The following RIMS1 variants were observed in gnomAD, a reference collection of about 807,000 sequenced individuals.
The protein encoded by RIMS1 is regulating synaptic membrane exocytosis protein 1.
A neutral mutation model predicts 214.1 loss-of-function variants in RIMS1; 83 were observed. That is an observed-to-expected ratio of 0.39 (90% CI 0.32 to 0.47). The LOEUF is 0.47. RIMS1 is among the 20% of genes least tolerant of loss of function. The pLI is 0.99. For synonymous variants in RIMS1, 793 were observed against 786.8 expected, an observed-to-expected ratio of 1.01 and a Z score of -0.13; for missense variants, 2,050 against 2,161.8, an observed-to-expected ratio of 0.95 and a Z score of 1.03.
At chr6:72,367,563 T>C (rs2098078671) in intron 29 of RIMS1, among the ~76,000 whole-genome samples, 1 of 152,178 alleles carries the variant, frequency 6.6e-6, no homozygotes, top group Non-Finnish European at 1.5e-5. Flanking sequence ...TGGGTAGAAG[T>C]ATAACCTCAT....
intron 31 of RIMS1, among the ~76,000 whole-genome samples, chr6:72,396,720 A>G (rs559866864): frequency 6.6e-6 from 1 of 152,344 alleles, no homozygotes; most frequent in Admixed American, 6.5e-5. Flanking sequence ...TACCACTTAT[A>G]CAAATGCTTA....
intron 2 of RIMS1, among the ~76,000 whole-genome samples, chr6:71,980,365 TC>T (rs1376618588): frequency 2.0e-5 from 3 of 152,178 alleles, no homozygotes; most frequent in Non-Finnish European, 4.4e-5. Context: ...ATGAATGCAC[TC>T]ATGTATTATA....
chr6:72,179,453 A>C, intron 4 of RIMS1, 122 bp from the exon 5 acceptor site: 1 of 896,330 alleles, frequency 1.1e-6, no homozygotes. Context: ...TTTCACAAGA[A>C]ATTTGCAAGG....
At chr6:72,374,419 A>G (rs2098316164) in intron 29 of RIMS1, among the ~76,000 whole-genome samples, 1 of 152,222 alleles carries the variant, frequency 6.6e-6, no homozygotes, top group South Asian at 2.1e-4. Context: ...TTAAGTTTTT[A>G]TGCATAAGTT....
intron 1 of RIMS1, among the ~76,000 whole-genome samples, chr6:71,956,160 C>T (rs927826246): frequency 2.0e-5 from 3 of 152,008 alleles, no homozygotes; most frequent in Non-Finnish European, 2.9e-5. Context: ...TTCCACTCTA[C>T]TGTTACTATG....
chr6:72,032,687 G>A (rs575472), intron 2 of RIMS1, among the ~76,000 whole-genome samples: 117,843 of 152,118 alleles, frequency 0.77, 46,285 homozygotes, highest in African/African-American at 0.91. Flanking sequence ...GCAGACCACG[G>A]AAGAGTGGTA....
At chr6:71,992,060 G>A (rs532673379) in intron 2 of RIMS1, among the ~76,000 whole-genome samples, 6 of 151,590 alleles carry the variant, frequency 4.0e-5, no homozygotes, top group East Asian at 3.9e-4. Flanking sequence ...GTGAAACTCC[G>A]TCTCAAAAAA....
chr6:71,889,029 C>T (rs961503378), intron 1 of RIMS1, among the ~76,000 whole-genome samples: 1 of 152,174 alleles, frequency 6.6e-6, no homozygotes, highest in Non-Finnish European at 1.5e-5. Flanking sequence ...TGCCACCTGT[C>T]CTGAACACCT....
At chr6:72,026,374 A>G (rs558183532) in intron 2 of RIMS1, among the ~76,000 whole-genome samples, 2 of 151,812 alleles carry the variant, frequency 1.3e-5, no homozygotes, top group South Asian at 4.2e-4. Flanking sequence ...TTTATTGTCA[A>G]TTGAACAATG....
At chr6:71,939,095 C>A (rs976171798) in intron 1 of RIMS1, among the ~76,000 whole-genome samples, 11 of 152,174 alleles carry the variant, frequency 7.2e-5, no homozygotes, top group Admixed American at 5.9e-4. Flanking sequence ...AAATTATGCA[C>A]TCCATAAATT....
At chr6:72,366,400 G>C (rs1366960083) in intron 29 of RIMS1, among the ~76,000 whole-genome samples, 1 of 152,118 alleles carries the variant, frequency 6.6e-6, no homozygotes, top group Non-Finnish European at 1.5e-5. Flanking sequence ...ACTTCTCTGA[G>C]ATTTCTTACC....
intron 26 of RIMS1, among the ~76,000 whole-genome samples, chr6:72,294,582 T>A (rs993484161): frequency 2.6e-5 from 4 of 151,796 alleles, no homozygotes; most frequent in African/African-American, 9.7e-5. Context: ...CGTTTCTGGG[T>A]ACAGTTATCT....
intron 4 of RIMS1, among the ~76,000 whole-genome samples, chr6:72,162,567 TTG>T (rs1428855994): frequency 1.4e-5 from 2 of 140,856 alleles, no homozygotes; most frequent in African/African-American, 4.9e-5. Context: ...TCAGGAGCTC[TTG>T]TAAGGCAGGC....
chr6:71,997,689 C>T (rs542788136), intron 2 of RIMS1, among the ~76,000 whole-genome samples: 1 of 152,242 alleles, frequency 6.6e-6, no homozygotes, highest in African/African-American at 2.4e-5. Flanking sequence ...AATGTTAATG[C>T]AATTACAGGC....
At chr6:72,044,501 C>A (rs959445621) in intron 2 of RIMS1, among the ~76,000 whole-genome samples, 2 of 151,598 alleles carry the variant, frequency 1.3e-5, no homozygotes, top group Non-Finnish European at 3.0e-5. Context: ...AAGACATATA[C>A]CAAAAATAAC....
chr6:72,344,745 C>CT (rs767801592), intron 29 of RIMS1, among the ~76,000 whole-genome samples: 1 of 151,694 alleles, frequency 6.6e-6, no homozygotes, highest in Non-Finnish European at 1.5e-5. Context: ...TTCAATTCAG[C>CT]TAAAGTAACT....
chr6:71,974,492 C>A (rs528604793), intron 2 of RIMS1, among the ~76,000 whole-genome samples: 3 of 152,116 alleles, frequency 2.0e-5, no homozygotes, highest in African/African-American at 7.2e-5. Flanking sequence ...GTGTGTTTTT[C>A]AGAGTTATCA....
intron 19 of RIMS1, among the ~76,000 whole-genome samples, chr6:72,264,402 G>T (rs564602247): frequency 7.2e-4 from 109 of 152,200 alleles, no homozygotes; most frequent in Non-Finnish European, 1.3e-3. Context: ...AAAATTTCCT[G>T]TGGTTGGGTC....
chr6:71,916,688 G>T (rs879624969), intron 1 of RIMS1, among the ~76,000 whole-genome samples: 1 of 152,088 alleles, frequency 6.6e-6, no homozygotes, highest in Admixed American at 6.6e-5. Flanking sequence ...GATGCCTTGA[G>T]AATTCAAAAG....
Sources: gnomAD v4.1 joint callset for allele counts (sites outside exome capture counted in the v4.1 genomes callset) on GRCh38, gnomAD v4.1.1 for gene constraint, MANE v1.5 for transcripts, NCBI Gene and HGNC (gene_info 2026-07-23, HGNC 2026-07-21) for gene names.